The following RIOK3 variants were observed in gnomAD, a reference collection of about 807,000 sequenced individuals.
The protein encoded by RIOK3 is serine/threonine-protein kinase RIO3.
In RIOK3, 40 loss-of-function variants were observed where a neutral mutation model predicts 63.5. That is an observed-to-expected ratio of 0.63 (90% confidence interval 0.49 to 0.82). RIOK3 has a LOEUF of 0.82. RIOK3 is among the 40% of genes least tolerant of loss of function. RIOK3 has a pLI of 0.00. For missense variants in RIOK3, 557 were observed against 637.0 expected (o/e 0.87, Z 1.35); for synonymous variants, 193 against 205.0 (o/e 0.94, Z 0.50).
chr18:23,455,135 G>C (rs2057330354), intron 1 of RIOK3, among the ~76,000 whole-genome samples: 1 of 151,702 alleles, frequency 6.6e-6, no homozygotes, highest in Non-Finnish European at 1.5e-5. Flanking sequence ...ACAGTGGTTT[G>C]CTCCCAGCTC....
chr18:23,453,608 G>A, intron 1 of RIOK3, 106 bp downstream of exon 1: 1 of 1,028,074 alleles, frequency 9.7e-7, no homozygotes, highest in South Asian at 1.3e-5. Context: ...GTTCTGGGGC[G>A]GGACCCCGCG....
chr18:23,481,055 G>A (rs1466608558), intron 12 of RIOK3, 117 bp from the exon 13 acceptor site: 1 of 692,488 alleles, frequency 1.4e-6, no homozygotes, highest in Admixed American at 2.4e-5. Flanking sequence ...ACTCCAGCCT[G>A]GACGACAGAG....
intron 11 of RIOK3, chr18:23,478,890 T>C (rs1309426002): frequency 6.4e-6 from 1 of 155,842 alleles, no homozygotes; most frequent in Non-Finnish European, 1.4e-5. Flanking sequence ...CACTCATTTT[T>C]ATAGCTATAG....
In RIOK3 at chr18:23,481,458, A is replaced by G; in HGVS notation, c.*179A>G. 1 of 493,136 alleles carries G rather than the reference A, an allele frequency of 2.0e-6. No individual in the cohort carries two copies. Among genetic ancestry groups the G allele is most frequent in the Non-Finnish European group, 3.6e-6 (1 of 281,316 alleles). The allele number at this position is 493,136 out of a possible 1,614,324, so 30.5% of individuals were successfully genotyped here. A position where few individuals can be genotyped will look rare whatever the true frequency, so the allele number is the denominator to read the frequency against. Reference sequence around the variant, plus strand: ...GAATTTTTAGCTCAGCATTGAGAGAATAAAATGTCACTACCTCTCATCTTA... The same window carrying G: ...GAATTTTTAGCTCAGCATTGAGAGAGTAAAATGTCACTACCTCTCATCTTA... On this transcript the variant is annotated 3_prime_UTR_variant, in exon 13 of 13. Transcript: ENST00000339486.
chr18:23,468,293 CTTTTTTT>C (rs1245472469), intron 7 of RIOK3, among the ~76,000 whole-genome samples: 2 of 46,448 alleles, frequency 4.3e-5, no homozygotes, highest in Non-Finnish European at 7.4e-5. Flanking sequence ...CAATATACTC[CTTTTTTT>C]TTTTTTTTTT....
chr18:23,462,710 T>TC (rs2057380114), intron 1 of RIOK3, among the ~76,000 whole-genome samples: 1 of 152,190 alleles, frequency 6.6e-6, no homozygotes, highest in Non-Finnish European at 1.5e-5. Context: ...GCCTGATGCT[T>TC]CCCCTCAGCT....
rs67305895 is a variant in RIOK3 at position 23,478,606 on chromosome 18, CATATATATATATATATATATATATATAT to C, written c.1345-686_1345-659del. Among the ~76,000 whole-genome samples the C allele has an allele frequency of 8.4e-3, 1,094 of 130,962 alleles. 18 individuals carry two copies. Among genetic ancestry groups the C allele is most frequent in the Middle Eastern group, 0.02 (5 of 256 alleles). The allele number at this position is 130,962 out of a possible 152,430, so 85.9% of individuals were successfully genotyped here. A position where few individuals can be genotyped will look rare whatever the true frequency, so the allele number is the denominator to read the frequency against. On this transcript the variant is annotated intron_variant, in intron 11 of 12. Transcript: ENST00000339486. ...GGCCCTGTCTCTTAAAAAAACAAAA[CATATATATATATATATATATATATATAT>C]ATATATATATATATATATATATATG... is the stretch of plus-strand genomic sequence containing the variant.
Position 23,467,465 on chromosome 18 carries a change from A to G in RIOK3, c.754A>G (p.Thr252Ala). 2 of 1,613,724 alleles carry G rather than the reference A, an allele frequency of 1.2e-6. No homozygotes were observed. The highest frequency in any genetic ancestry group is 1.7e-6 in the Non-Finnish European group (2 of 1,179,658). ...AATGGTCAACTCTGGAATGTTGGAG[A>G]CAATCACTGGCTGTATTAGTACAGG... ...YKMVNSGMLE[T>A]ITGCISTGKE... is the part of the protein sequence containing the mutation. The change falls in exon 7 of 13, where the codon ACA (threonine) becomes GCA (alanine). Residue 252 changes from threonine to alanine, a missense_variant. This residue lies in a region of RIOK3 where 309 missense variants were observed against 338.7 expected (regional missense o/e 0.91). Coordinates refer to ENST00000339486, the MANE Select transcript of RIOK3 (RefSeq NM_003831.5).
chr18:23,469,336 T>TCTCTCC (rs1489200436), intron 7 of RIOK3, among the ~76,000 whole-genome samples: 1 of 14,544 alleles, frequency 6.9e-5, no homozygotes, highest in African/African-American at 3.5e-4. Context: ...TCTCTCTCTC[T>TCTCTCC]CCCCCTCTCT....
At chr18:23,477,331 C>A in intron 11 of RIOK3, 63 bp downstream of exon 11, 2 of 1,250,768 alleles carry the variant, frequency 1.6e-6, no homozygotes, top group Non-Finnish European at 2.4e-6. Context: ...ATTTTTCTCA[C>A]TCCTAAGATA....
rs962414652 is a variant in RIOK3, at chr18:23,482,533, A to C, written c.*1254A>C. 6.6e-6 allele frequency: 1 copy of C among 151,224 alleles called. No homozygotes were observed. Among genetic ancestry groups the C allele is most frequent in the African/African-American group, 2.4e-5 (1 of 41,120 alleles). 9.4% of individuals were successfully genotyped at this position (151,224 alleles called of 1,614,324 possible). On this transcript the variant is annotated 3_prime_UTR_variant, in exon 13 of 13. Coordinates refer to ENST00000339486, the MANE Select transcript of RIOK3 (RefSeq NM_003831.5). ...TCCAGGAAAAAAAAAAAAAAACCCA[A>C]TTTGGATACCAAATTAATCAACTAA...
chr18:23,479,419 G>T lies in RIOK3; in HGVS notation c.1447G>T (p.Ala483Ser), dbSNP rs1462922774. The change falls in exon 12 of 13, where the codon GCT (alanine) becomes TCT (serine). Residue 483 changes from alanine to serine, a missense_variant. By Grantham distance (99) the Ala-to-Ser change is moderately conservative. Transcript: ENST00000339486. ...ITADNEADFLAEIEALEKMNE... is the reference protein window; with the variant it reads ...ITADNEADFLSEIEALEKMNE... ...AGCAGATAATGAAGCTGATTTTTTA[G>T]CTGAGGTATGTGATAAACAGCTGTT... 1 of 1,606,366 alleles carries T rather than the reference G, an allele frequency of 6.2e-7. No homozygotes were observed. Among genetic ancestry groups the T allele is most frequent in the African/African-American group, 1.3e-5 (1 of 74,766 alleles).
chr18:23,469,549 G>C (rs555313453), intron 7 of RIOK3, among the ~76,000 whole-genome samples: 70 of 148,028 alleles, frequency 4.7e-4, no homozygotes, highest in Non-Finnish European at 7.9e-4. Flanking sequence ...GTGCAATGGC[G>C]CAATCTTGGC....
rs796608893 is a variant in RIOK3 at position 23,457,443 on chromosome 18, G to A, written c.63+3941G>A. 2.6e-5 allele frequency among the ~76,000 whole-genome samples: 4 copies of A among 152,212 alleles called. No individual in the cohort carries two copies. In the South Asian group the frequency reaches 8.3e-4, roughly 32 times the overall value. On this transcript the variant is annotated intron_variant, in intron 1 of 12. Transcript: ENST00000339486. ...AAATGTAACGTGGTATTTTGAATGG[G>A]ATCCTGGAACAGAAAAAGGATGTTA...
intron 1 of RIOK3, among the ~76,000 whole-genome samples, chr18:23,459,409 G>T (rs1376253775): frequency 6.6e-6 from 1 of 152,152 alleles, no homozygotes; most frequent in African/African-American, 2.4e-5. Context: ...TCTATGCTGG[G>T]CTCTGAGGGT....
At chr18:23,468,098 T>A (rs1319769647) in intron 7 of RIOK3, among the ~76,000 whole-genome samples, 1 of 151,830 alleles carries the variant, frequency 6.6e-6, no homozygotes, top group African/African-American at 2.4e-5. Context: ...TTATCAGTGT[T>A]TAGTATTATC....
chr18:23,475,504 C>T (rs1235569261), intron 9 of RIOK3, among the ~76,000 whole-genome samples: 1 of 150,370 alleles, frequency 6.7e-6, no homozygotes, highest in Admixed American at 6.7e-5. Context: ...GGGCACACAC[C>T]TGTAGTCCCA....
chr18:23,460,734 A>G (rs890554984), intron 1 of RIOK3, among the ~76,000 whole-genome samples: 1 of 152,230 alleles, frequency 6.6e-6, no homozygotes, highest in Non-Finnish European at 1.5e-5. Context: ...ACAGCATTGT[A>G]TCTTCTACCT....
intron 4 of RIOK3, 61 bp downstream of exon 4, chr18:23,464,374 C>A (rs755652348): frequency 1.0e-5 from 13 of 1,267,572 alleles, no homozygotes; most frequent in Middle Eastern, 1.9e-4. Flanking sequence ...CTAATCTTTT[C>A]AATGAACTCT....
Sources: gnomAD v4.1 joint callset for allele counts (sites outside exome capture counted in the v4.1 genomes callset) on GRCh38, gnomAD v4.1.1 for gene constraint, gnomAD v4.1.1 regional missense constraint, MANE v1.5 for transcripts, NCBI Gene and HGNC (gene_info 2026-07-23, HGNC 2026-07-21) for gene names.